PCDH15: variants seen among roughly 807,000 people sequenced by gnomAD.
The protein encoded by PCDH15 is protocadherin related 15.
Under a neutral mutation model 178.5 loss-of-function variants are expected in PCDH15, and 129 were observed. The observed-to-expected ratio is 0.72, with a 90% CI of 0.63 to 0.84. The LOEUF is 0.84. Ranked by LOEUF, PCDH15 falls within the 40% of genes least tolerant of loss-of-function variation. PCDH15 has a pLI of 0.00. For synonymous variants in PCDH15, 800 were observed against 732.0 expected, an observed-to-expected ratio of 1.09 and a Z score of -1.50; for missense variants, 2,230 against 2,099.9, an observed-to-expected ratio of 1.06 and a Z score of -1.21.
chr10:54,278,740 G>A (rs915631877), intron 8 of PCDH15, among the ~76,000 whole-genome samples: 1 of 151,544 alleles, frequency 6.6e-6, no homozygotes, highest in Admixed American at 6.6e-5. Flanking sequence ...CCATCTTTAT[G>A]AGGAGCCTGT....
chr10:55,441,046 T>A (rs532674158), intron 2 of PCDH15, among the ~76,000 whole-genome samples: 67 of 152,272 alleles, frequency 4.4e-4, no homozygotes, highest in African/African-American at 1.5e-3. Flanking sequence ...CAATTCAAGA[T>A]GAGATTTGGG....
At chr10:54,398,562 T>A (rs764268692) in intron 3 of PCDH15, among the ~76,000 whole-genome samples, 2 of 152,058 alleles carry the variant, frequency 1.3e-5, no homozygotes, top group Admixed American at 6.6e-5. Context: ...AGACCACTTA[T>A]GTGATCTTAC....
chr10:54,523,804 T>C (rs907972139), intron 3 of PCDH15, among the ~76,000 whole-genome samples: 3 of 152,146 alleles, frequency 2.0e-5, no homozygotes, highest in Non-Finnish European at 2.9e-5. Flanking sequence ...ACAGTCCAAT[T>C]GTCTCAGCAA....
At chr10:54,545,918 G>A (rs1259563261) in intron 2 of PCDH15, among the ~76,000 whole-genome samples, 4 of 152,196 alleles carry the variant, frequency 2.6e-5, no homozygotes, top group East Asian at 3.9e-4. Context: ...TGGAATCTGC[G>A]AAGCAGAAGA....
chr10:53,940,782 A>C, intron 24 of PCDH15, 84 bp downstream of exon 24: 2 of 960,844 alleles, frequency 2.1e-6, no homozygotes, highest in Non-Finnish European at 3.3e-6. Context: ...AATAGAATAG[A>C]TAATAATTTC....
intron 3 of PCDH15, among the ~76,000 whole-genome samples, chr10:54,877,222 T>C (rs935151559): frequency 6.6e-6 from 1 of 152,216 alleles, no homozygotes; most frequent in Non-Finnish European, 1.5e-5. Flanking sequence ...TAAATTTTAG[T>C]ATAAGCATAA....
At chr10:54,167,150 G>A (rs1295792332) in intron 13 of PCDH15, among the ~76,000 whole-genome samples, 4 of 152,110 alleles carry the variant, frequency 2.6e-5, no homozygotes, top group African/African-American at 9.7e-5. Flanking sequence ...GACTCGGATC[G>A]GGGGACCTCC....
intron 10 of PCDH15, among the ~76,000 whole-genome samples, chr10:54,202,567 C>T (rs1413174704): frequency 6.6e-6 from 1 of 152,062 alleles, no homozygotes; most frequent in African/African-American, 2.4e-5. Flanking sequence ...AATCCTAACA[C>T]TTTGGGAGGC....
chr10:54,286,145 T>C (rs78532237), intron 8 of PCDH15, among the ~76,000 whole-genome samples: 151 of 152,300 alleles, frequency 9.9e-4, no homozygotes, highest in African/African-American at 3.6e-3. Context: ...ATTAGAGTGA[T>C]TATGGTAAAA....
intron 5 of PCDH15, among the ~76,000 whole-genome samples, chr10:54,352,990 T>C (rs1313060308): frequency 1.3e-5 from 2 of 152,132 alleles, no homozygotes; most frequent in Non-Finnish European, 2.9e-5. Context: ...AAACCAAAGA[T>C]TCTCCACACA....
chr10:54,895,526 GA>G (rs980862387), intron 3 of PCDH15, among the ~76,000 whole-genome samples: 9 of 152,138 alleles, frequency 5.9e-5, no homozygotes, highest in Non-Finnish European at 1.2e-4. Context: ...ACAGCTTAGA[GA>G]AGAGGATTTT....
chr10:54,360,355 C>G (rs1945802430), intron 5 of PCDH15, among the ~76,000 whole-genome samples: 1 of 152,058 alleles, frequency 6.6e-6, no homozygotes, highest in Non-Finnish European at 1.5e-5. Context: ...GAATTTGAGG[C>G]TAATCTCCCA....
intron 2 of PCDH15, among the ~76,000 whole-genome samples, chr10:54,980,105 C>A (rs942181829): frequency 1.3e-5 from 2 of 152,150 alleles, no homozygotes; most frequent in African/African-American, 4.8e-5. Context: ...CCTGAGGTTG[C>A]AATTTTTTGA....
At chr10:54,006,625 C>T (rs2092395130) in intron 20 of PCDH15, among the ~76,000 whole-genome samples, 1 of 152,180 alleles carries the variant, frequency 6.6e-6, no homozygotes, top group Non-Finnish European at 1.5e-5. Flanking sequence ...TAGCACGTAA[C>T]TGCCTCTCAG....
At chr10:55,150,077 AGGG>A (rs1838660036) in intron 2 of PCDH15, among the ~76,000 whole-genome samples, 2 of 32,162 alleles carry the variant, frequency 6.2e-5, no homozygotes, top group Non-Finnish European at 1.6e-4. Flanking sequence ...GAGGAGGGGG[AGGG>A]GAGGGGAGGA....
rs148574376 is a variant in PCDH15 at position 55,519,170 on chromosome 10, C to A, written c.-156+108455G>T. Among the ~76,000 whole-genome samples the A allele has an allele frequency of 2.5e-4, 38 of 150,972 alleles. No homozygotes were observed. In the East Asian group the frequency reaches 6.3e-3, roughly 25 times the overall value. On this transcript the variant is annotated intron_variant, in intron 2 of 5. Coordinates refer to the PCDH15 transcript ENST00000613346. ...GCTCTGACCTAACTCAGCCAGCTGCCCCCTCAGGTTTATTTAAAATAAGCC... is the reference window on the plus strand; with the variant it reads ...GCTCTGACCTAACTCAGCCAGCTGCACCCTCAGGTTTATTTAAAATAAGCC...
intron 2 of PCDH15, among the ~76,000 whole-genome samples, chr10:55,385,894 T>A (rs1837648950): frequency 6.6e-6 from 1 of 151,232 alleles, no homozygotes; most frequent in Non-Finnish European, 1.5e-5. Context: ...AATATCTATA[T>A]CTACACATAT....
chr10:55,560,688 A>T (rs1589138645), intron 2 of PCDH15, among the ~76,000 whole-genome samples: 2 of 151,918 alleles, frequency 1.3e-5, no homozygotes, highest in East Asian at 3.9e-4. Context: ...AATGATCTTC[A>T]AACTTTCTCT....
chr10:55,420,854 G>A (rs1324518098), intron 2 of PCDH15, among the ~76,000 whole-genome samples: 2 of 151,430 alleles, frequency 1.3e-5, no homozygotes, highest in African/African-American at 4.8e-5. Flanking sequence ...TAATAACCAA[G>A]GAACTTACCA....
Sources: allele counts gnomAD v4.1 joint callset (sites outside exome capture counted in the v4.1 genomes callset), GRCh38; gene constraint gnomAD v4.1.1; transcripts MANE v1.5; gene names NCBI Gene and HGNC (gene_info 2026-07-23, HGNC 2026-07-21).